FAT3: variants seen among roughly 807,000 people sequenced by gnomAD.
FAT3 encodes the protein protocadherin Fat 3.
In FAT3, 95 loss-of-function variants were observed where a neutral mutation model predicts 310.2. That is an observed-to-expected ratio of 0.31 (90% confidence interval 0.26 to 0.36). FAT3 has a LOEUF of 0.36. Ranked by LOEUF, FAT3 falls within the 10% of genes least tolerant of loss-of-function variation. The pLI is 1.00. For missense variants in FAT3, 5,408 were observed against 5,715.6 expected, an observed-to-expected ratio of 0.95 and a Z score of 1.74; for synonymous variants, 2,314 against 2,192.9, an observed-to-expected ratio of 1.06 and a Z score of -1.54.
At chr11:92,833,356 A>G (rs1194787627) in intron 14 of FAT3, among the ~76,000 whole-genome samples, 1 of 152,222 alleles carries the variant, frequency 6.6e-6, no homozygotes, top group African/African-American at 2.4e-5. Flanking sequence ...AAGGTGGCAA[A>G]GGAGGTCCAT....
chr11:92,762,895 T>C (rs967732767), intron 5 of FAT3, among the ~76,000 whole-genome samples: 8 of 152,040 alleles, frequency 5.3e-5, no homozygotes, highest in Admixed American at 5.2e-4. Context: ...CGGTGGTTCA[T>C]GCCTGTAATC....
rs117859298 is a variant in FAT3 at position 92,438,983 on chromosome 11, A to T, written c.3292+83579A>T. Among the ~76,000 whole-genome samples the T allele has an allele frequency of 2.8e-4, 42 of 152,366 alleles. No individual in the cohort carries two copies. In the East Asian group the frequency reaches 7.9e-3, roughly 29 times the overall value. On this transcript the variant is annotated intron_variant, in intron 2 of 27. Transcript: ENST00000525166. Reference sequence around the variant, plus strand: ...CACAATCATTCCATCTCAGGCATCCAAGTGACACAGATCTGGTTAAGGTTA... The same window carrying T: ...CACAATCATTCCATCTCAGGCATCCTAGTGACACAGATCTGGTTAAGGTTA...
rs765464689 is a variant in FAT3, at chr11:92,844,262, A to T, written c.10895A>T (p.Asp3632Val). The change falls in exon 19 of 28, where the codon GAT becomes GTT. Residue 3632 changes from aspartate to valine, a missense_variant. Transcript: ENST00000525166. ...VSDGRFQVPIDVVVHVEQLVH... is the reference protein window; with the variant it reads ...VSDGRFQVPIVVVVHVEQLVH... ...GATGGTCGCTTCCAGGTACCCATTG[A>T]TGTGGTCGTGCATGTGGAGCAGTTG... The T allele has an allele frequency of 1.9e-6, 3 of 1,613,792 alleles. No homozygotes were observed. The African/African-American group carries it at 4.0e-5, about 22-fold the overall frequency.
intron 2 of FAT3, among the ~76,000 whole-genome samples, chr11:92,429,322 A>T (rs1477824075): frequency 6.6e-6 from 1 of 151,806 alleles, no homozygotes; most frequent in Non-Finnish European, 1.5e-5. Context: ...ATGGGACTTA[A>T]CTCTTTATAC....
At chr11:92,568,388 G>A (rs1955551119) in intron 3 of FAT3, among the ~76,000 whole-genome samples, 1 of 125,388 alleles carries the variant, frequency 8.0e-6, no homozygotes, top group African/African-American at 2.6e-5. Flanking sequence ...TGATGAGATA[G>A]TGGAAGTAGA....
chr11:92,512,606 G>A (rs1285983692), intron 2 of FAT3, among the ~76,000 whole-genome samples: 1 of 144,054 alleles, frequency 6.9e-6, no homozygotes, highest in Non-Finnish European at 1.5e-5. Flanking sequence ...ATGTTTTAAT[G>A]TATAATATTA....
intron 3 of FAT3, among the ~76,000 whole-genome samples, chr11:92,618,974 C>T (rs749432683): frequency 2.6e-5 from 4 of 152,056 alleles, no homozygotes; most frequent in East Asian, 1.9e-4. Flanking sequence ...TTTAGCTGTG[C>T]GTTTTTTATG....
chr11:92,765,917 T>C (rs2136097734), intron 6 of FAT3, among the ~76,000 whole-genome samples: 1 of 152,218 alleles, frequency 6.6e-6, no homozygotes, highest in East Asian at 1.9e-4. Flanking sequence ...GAAATTAAAA[T>C]GTATTTCAGC....
At chr11:92,615,527 G>A (rs555558) in intron 3 of FAT3, among the ~76,000 whole-genome samples, 85,315 of 152,038 alleles carry the variant, frequency 0.56, 25,359 homozygotes, top group African/African-American at 0.76. Context: ...GATTACAGGC[G>A]TAAGCCACCG....
chr11:92,798,432 C>T lies in FAT3; in HGVS notation c.5419C>T (p.Arg1807Trp), dbSNP rs566312497. The stretch of plus-strand genomic sequence containing the variant: ...TCGAGCCACAGATGCTGACAGCAAC[C>T]GGAATGCTCTGCTTGTGTATCAGAT... ...VIRATDADSN[R>W]NALLVYQIVE... The change falls in exon 10 of 28, where the codon CGG becomes TGG. Residue 1807 changes from arginine (R) to tryptophan (W), a missense_variant. Physicochemically the swap from Arg to Trp is moderately radical, Grantham distance 101. Transcript: ENST00000525166. The T allele has an allele frequency of 2.1e-5, 34 of 1,613,220 alleles. No homozygotes were observed. Among genetic ancestry groups the T allele is most frequent in the African/African-American group, 4.0e-5 (3 of 75,002 alleles).
intron 3 of FAT3, among the ~76,000 whole-genome samples, chr11:92,675,207 A>C (rs983432541): frequency 8.5e-5 from 13 of 152,358 alleles, no homozygotes; most frequent in Middle Eastern, 3.4e-3. Flanking sequence ...AGCCAAACTA[A>C]CAGTGAGAAA....
intron 1 of FAT3, among the ~76,000 whole-genome samples, chr11:92,261,924 A>G (rs1237041495): frequency 2.0e-5 from 3 of 151,516 alleles, no homozygotes; most frequent in Non-Finnish European, 2.9e-5. Flanking sequence ...ATTTTATTTT[A>G]TTTTGCCTGC....
chr11:92,705,704 CGTG>C (rs1346345638), intron 4 of FAT3, among the ~76,000 whole-genome samples: 153 of 6,684 alleles, frequency 0.023, 1 homozygote, highest in African/African-American at 0.048. Flanking sequence ...GTGGTGTGAT[CGTG>C]GTGGTGGTGG....
intron 2 of FAT3, among the ~76,000 whole-genome samples, chr11:92,403,874 A>G (rs772080377): frequency 2.4e-4 from 36 of 152,100 alleles, no homozygotes; most frequent in Non-Finnish European, 5.0e-4. Context: ...GTCTCTATGA[A>G]AAATACAAAA....
At chr11:92,523,991 G>A (rs1953769983) in intron 2 of FAT3, among the ~76,000 whole-genome samples, 1 of 152,098 alleles carries the variant, frequency 6.6e-6, no homozygotes, top group Non-Finnish European at 1.5e-5. Flanking sequence ...GAGTTCTTAA[G>A]GGGGATGGAA....
chr11:92,688,140 T>C (rs2135880008), intron 3 of FAT3, among the ~76,000 whole-genome samples: 2 of 152,176 alleles, frequency 1.3e-5, no homozygotes, highest in South Asian at 4.2e-4. Context: ...AATTTCAGCC[T>C]GTAGAGCTAT....
At chr11:92,613,055 A>G (rs2135632083) in intron 3 of FAT3, among the ~76,000 whole-genome samples, 1 of 152,328 alleles carries the variant, frequency 6.6e-6, no homozygotes, top group Middle Eastern at 3.4e-3. Flanking sequence ...TGTATCCTAA[A>G]TTTGGAATCA....
intron 12 of FAT3, among the ~76,000 whole-genome samples, chr11:92,808,680 C>T (rs1947577203): frequency 6.6e-6 from 1 of 152,148 alleles, no homozygotes; most frequent in South Asian, 2.1e-4. Flanking sequence ...AATCCCCGCA[C>T]TTTGGGAGGC....
chr11:92,765,154 A>C (rs534533318), intron 6 of FAT3, 65 bp downstream of exon 6: 1 of 1,356,706 alleles, frequency 7.4e-7, no homozygotes, highest in Non-Finnish European at 9.9e-7. Context: ...ACTAGGAAAA[A>C]AAAAAAAAAG....
Sources: allele counts gnomAD v4.1 joint callset (sites outside exome capture counted in the v4.1 genomes callset), GRCh38; gene constraint gnomAD v4.1.1; transcripts MANE v1.5; gene names NCBI Gene and HGNC (gene_info 2026-07-23, HGNC 2026-07-21).